The following UNC80 variants were observed in gnomAD, a reference collection of about 807,000 sequenced individuals.
UNC80 encodes unc-80 subunit of NALCN channel complex.
UNC80 carries 164 observed loss-of-function variants against 384.6 expected under a neutral mutation model. The ratio of observed to expected loss-of-function variants is 0.43; its 90% CI spans 0.38 to 0.49. The LOEUF is 0.49. UNC80 is among the 20% of genes least tolerant of loss of function. UNC80 has a pLI of 0.00. For missense variants in UNC80, 3,330 were observed against 4,143.0 expected, an observed-to-expected ratio of 0.80 and a Z score of 5.39; for synonymous variants, 1,486 against 1,527.8, an observed-to-expected ratio of 0.97 and a Z score of 0.64.
At chr2:209,832,077 T>C (rs1427600712) in intron 16 of UNC80, among the ~76,000 whole-genome samples, 1 of 152,128 alleles carries the variant, frequency 6.6e-6, no homozygotes, top group Non-Finnish European at 1.5e-5. Flanking sequence ...GAAGTCACAA[T>C]AGGATAGGGA....
intron 21 of UNC80, among the ~76,000 whole-genome samples, chr2:209,844,518 TCC>T (rs2082032276): frequency 7.3e-6 from 1 of 137,514 alleles, no homozygotes; most frequent in Admixed American, 7.4e-5. Flanking sequence ...CTTCCTTCCT[TCC>T]TTCCTTCCTT....
intron 48 of UNC80, 123 bp downstream of exon 48, chr2:209,954,393 T>A: frequency 2.0e-6 from 2 of 985,962 alleles, no homozygotes; most frequent in South Asian, 5.0e-5. Context: ...AGATACCTCC[T>A]AAACTCAGCC....
chr2:209,978,377 A>T (rs2093064882), intron 58 of UNC80, among the ~76,000 whole-genome samples, 152 bp from the exon 59 acceptor site: 1 of 152,178 alleles, frequency 6.6e-6, no homozygotes, highest in African/African-American at 2.4e-5. Context: ...AAAAATCCCC[A>T]CTTTCATTTG....
At chr2:209,873,147 G>A (rs375321520) in intron 23 of UNC80, among the ~76,000 whole-genome samples, 177 bp downstream of exon 23, 1 of 152,180 alleles carries the variant, frequency 6.6e-6, no homozygotes, top group Non-Finnish European at 1.5e-5. Context: ...ATAAATCTAT[G>A]AGGTTAGACA....
At chr2:209,969,558 A>T in intron 52 of UNC80, 1 of 571,742 alleles carries the variant, frequency 1.7e-6, no homozygotes, top group Non-Finnish European at 3.0e-6. Flanking sequence ...TCTTCAATAG[A>T]TTTAGTCGAG....
At chr2:209,958,291 C>T (rs1022888644) in intron 49 of UNC80, among the ~76,000 whole-genome samples, 5 of 152,004 alleles carry the variant, frequency 3.3e-5, no homozygotes, top group South Asian at 2.1e-4. Flanking sequence ...TTAAATATTC[C>T]GACATACACA....
chr2:209,947,872 T>C (rs1468050960), intron 47 of UNC80, among the ~76,000 whole-genome samples: 1 of 152,182 alleles, frequency 6.6e-6, no homozygotes, highest in Non-Finnish European at 1.5e-5. Context: ...ACTATCCTGA[T>C]TTCTAATATG....
At chr2:209,815,136 G>A (rs2079638258) in intron 8 of UNC80, 121 bp from the exon 9 acceptor site, 2 of 915,038 alleles carry the variant, frequency 2.2e-6, no homozygotes, top group Non-Finnish European at 3.1e-6. Context: ...AGACATACAA[G>A]TTCAATTGTT....
chr2:209,918,013 T>C, intron 32 of UNC80, 55 bp downstream of exon 32: 1 of 1,510,006 alleles, frequency 6.6e-7, no homozygotes, highest in Non-Finnish European at 9.0e-7. Flanking sequence ...CCAAGGTTTG[T>C]TTAAACCGTT....
At chr2:209,917,175 A>G (rs1373055411) in intron 31 of UNC80, among the ~76,000 whole-genome samples, 2 of 152,232 alleles carry the variant, frequency 1.3e-5, no homozygotes, top group African/African-American at 4.8e-5. Flanking sequence ...TATCTGTGTT[A>G]TAAAGTGTAT....
intron 3 of UNC80, among the ~76,000 whole-genome samples, chr2:209,776,360 T>A (rs1309316119): frequency 1.3e-5 from 2 of 152,200 alleles, no homozygotes; most frequent in Non-Finnish European, 2.9e-5. Context: ...GGCAGGCTGA[T>A]CACCTGAGGT....
intron 22 of UNC80, among the ~76,000 whole-genome samples, chr2:209,855,183 A>T (rs1050395300): frequency 2.6e-5 from 4 of 152,214 alleles, no homozygotes; most frequent in African/African-American, 7.2e-5. Context: ...TCCTCAGCAA[A>T]CTAATGCAGG....
chr2:209,865,567 A>C (rs1246060027), intron 22 of UNC80, among the ~76,000 whole-genome samples: 2 of 146,872 alleles, frequency 1.4e-5, no homozygotes, highest in Admixed American at 1.4e-4. Context: ...CCGCCACTGC[A>C]CTCCAGCTCC....
chr2:209,940,383 A>G (rs1438853200), intron 43 of UNC80, among the ~76,000 whole-genome samples: 1 of 152,212 alleles, frequency 6.6e-6, no homozygotes, highest in Non-Finnish European at 1.5e-5. Flanking sequence ...TGTGCATTTT[A>G]CTCTAAATAA....
intron 22 of UNC80, among the ~76,000 whole-genome samples, chr2:209,868,226 G>T (rs1559230289): frequency 6.6e-6 from 1 of 152,120 alleles, no homozygotes; most frequent in Non-Finnish European, 1.5e-5. Context: ...CCAAATAACT[G>T]CTTATTTCCA....
chr2:209,973,372 T>A, intron 56 of UNC80, 102 bp downstream of exon 56: 6 of 1,131,804 alleles, frequency 5.3e-6, no homozygotes, highest in East Asian at 2.6e-5. Context: ...ATAGATGTAC[T>A]TAGTTAAGTT....
At chr2:209,845,015 G>A (rs1431353817) in intron 21 of UNC80, 1 of 151,870 alleles carries the variant, frequency 6.6e-6, no homozygotes, top group East Asian at 1.9e-4. Flanking sequence ...TACAGGTGGA[G>A]GCTTTAGGAG....
chr2:209,954,437 T>C (rs1034070372), intron 48 of UNC80, 167 bp downstream of exon 48: 1 of 492,556 alleles, frequency 2.0e-6, no homozygotes, highest in East Asian at 3.3e-5. Flanking sequence ...AGTTCGTGAG[T>C]TATTTGAATA....
intron 29 of UNC80, among the ~76,000 whole-genome samples, chr2:209,911,250 G>A (rs113641305): frequency 1.3e-4 from 20 of 152,208 alleles, no homozygotes; most frequent in African/African-American, 4.3e-4. Flanking sequence ...CCATATTAAT[G>A]TGGAAAACTA....
Sources: gnomAD v4.1 joint callset for allele counts (sites outside exome capture counted in the v4.1 genomes callset) on GRCh38, gnomAD v4.1.1 for gene constraint, MANE v1.5 for transcripts, NCBI Gene and HGNC (gene_info 2026-07-23, HGNC 2026-07-21) for gene names.